Variants in LRP5 observed in about 807,000 individuals in gnomAD.
LRP5 encodes LDL receptor related protein 5, also known as low-density lipoprotein receptor-related protein 5.
LRP5 carries 62 observed loss-of-function variants against 154.1 expected under a neutral mutation model. The observed-to-expected ratio is 0.40, with a 90% CI of 0.33 to 0.50. LRP5 has a LOEUF of 0.50. Ranked by LOEUF, LRP5 falls within the 20% of genes least tolerant of loss-of-function variation. The pLI is 0.55. For missense variants in LRP5, 1,915 were observed against 2,336.7 expected (o/e 0.82, Z 3.72); for synonymous variants, 966 against 1,011.5 (o/e 0.96, Z 0.85).
At chr11:68,445,341 C>A (rs908620031) in intron 21 of LRP5, among the ~76,000 whole-genome samples, 2 of 152,148 alleles carry the variant, frequency 1.3e-5, no homozygotes, top group African/African-American at 4.8e-5. Flanking sequence ...CTCAAGTGAT[C>A]CGCCCGCCTC....
chr11:68,436,626 G>A (rs2098675108), intron 18 of LRP5, among the ~76,000 whole-genome samples: 1 of 152,124 alleles, frequency 6.6e-6, no homozygotes, highest in South Asian at 2.1e-4. Flanking sequence ...CCCCACAGTA[G>A]GCACCTGACA....
At chr11:68,412,483 A>C (rs2098660146) in intron 11 of LRP5, among the ~76,000 whole-genome samples, 1 of 152,048 alleles carries the variant, frequency 6.6e-6, no homozygotes, top group Non-Finnish European at 1.5e-5. Flanking sequence ...TCTACAAAAA[A>C]ATTTTTTAAA....
At position 68,440,075 on chromosome 11, in the gene LRP5, C is replaced by T. The variant is rs970757913; in HGVS notation, c.4488+159C>T. 4.7e-5 allele frequency: 30 copies of T among 644,418 alleles called. No individual in the cohort carries two copies. The African/African-American group carries it at 5.1e-4, about 11-fold the overall frequency. 39.9% of individuals were successfully genotyped at this position (644,418 alleles called of 1,614,324 possible). ...CCTTTTCAAACCCTTCTGCTTCCTTCTTTAATGACATTGTTGATTGTGGAT... is the reference window on the plus strand; with the variant it reads ...CCTTTTCAAACCCTTCTGCTTCCTTTTTTAATGACATTGTTGATTGTGGAT... On this transcript the variant is annotated intron_variant, in intron 21 of 22. Transcript: ENST00000294304.
chr11:68,422,489 C>T (rs532939069), intron 13 of LRP5, among the ~76,000 whole-genome samples: 1 of 152,330 alleles, frequency 6.6e-6, no homozygotes, highest in Admixed American at 6.5e-5. Context: ...AGGCAGTAGG[C>T]TTCTGGGCTG....
intron 1 of LRP5, among the ~76,000 whole-genome samples, chr11:68,339,320 G>A (rs2098607505): frequency 6.6e-6 from 1 of 151,378 alleles, no homozygotes; most frequent in African/African-American, 2.4e-5. Flanking sequence ...TGGGATTACA[G>A]GGACCCACCC....
chr11:68,355,373 T>A (rs775763470), intron 2 of LRP5, among the ~76,000 whole-genome samples: 9 of 152,086 alleles, frequency 5.9e-5, no homozygotes, highest in Non-Finnish European at 1.2e-4. Flanking sequence ...TCAGCACCAT[T>A]TTACAAGGAC....
At chr11:68,341,059 C>CTATTTTTTTTTTTTTTTTTTT (rs2098608749) in intron 1 of LRP5, among the ~76,000 whole-genome samples, 1 of 83,496 alleles carries the variant, frequency 1.2e-5, no homozygotes. Context: ...GGAGATTGTT[C>CTATTTTTTTTTTTTTTTTTTT]TTTTTTTTTT....
chr11:68,433,894 C>T (rs968113897), intron 18 of LRP5, 56 bp downstream of exon 18: 70 of 1,537,954 alleles, frequency 4.6e-5, no homozygotes, highest in South Asian at 3.1e-4. Flanking sequence ...CTCCGGGATA[C>T]GAGCTTGGGG....
At chr11:68,361,856 CAGTT>C (rs1367467683) in intron 3 of LRP5, among the ~76,000 whole-genome samples, 6 of 152,274 alleles carry the variant, frequency 3.9e-5, no homozygotes, top group African/African-American at 1.4e-4. Context: ...TTGTGGAAAA[CAGTT>C]TGTTGATTCC....
the LRP5 span, among the ~76,000 whole-genome samples, chr11:68,298,720 G>A: frequency 6.6e-6 from 1 of 152,152 alleles, no homozygotes; most frequent in African/African-American, 2.4e-5. Context: ...GACTCCACCA[G>A]GGAGCAGGAG....
chr11:68,321,252 CT>C (rs934795140), intron 1 of LRP5, among the ~76,000 whole-genome samples: 9 of 152,060 alleles, frequency 5.9e-5, no homozygotes, highest in African/African-American at 1.7e-4. Flanking sequence ...CTGTGAGTGT[CT>C]TTGTGTACCG....
At chr11:68,448,363 T>C (rs2098682567) in intron 22 of LRP5, among the ~76,000 whole-genome samples, 1 of 152,226 alleles carries the variant, frequency 6.6e-6, no homozygotes, top group African/African-American at 2.4e-5. Context: ...GGTGAACAGT[T>C]GTCCAGTCTC....
At chr11:68,307,779 C>T (rs907637747), upstream of LRP5, among the ~76,000 whole-genome samples, 5 of 152,092 alleles carry the variant, frequency 3.3e-5, no homozygotes, top group African/African-American at 1.2e-4. Flanking sequence ...AATCACACCA[C>T]TGCACTCCAG....
At chr11:68,414,924 C>T (rs959679198) in intron 12 of LRP5, among the ~76,000 whole-genome samples, 4 of 152,176 alleles carry the variant, frequency 2.6e-5, no homozygotes, top group African/African-American at 4.8e-5. Flanking sequence ...CACCATCCCT[C>T]CCTGGGGCCA....
At chr11:68,338,465 G>T (rs1215516246) in intron 1 of LRP5, among the ~76,000 whole-genome samples, 1 of 152,214 alleles carries the variant, frequency 6.6e-6, no homozygotes, top group Non-Finnish European at 1.5e-5. Context: ...TTCTGCTCCG[G>T]GTAGGACTGA....
At chr11:68,337,153 G>A (rs189570443) in intron 1 of LRP5, among the ~76,000 whole-genome samples, 81 of 152,356 alleles carry the variant, frequency 5.3e-4, no homozygotes, top group African/African-American at 1.9e-3. Context: ...GACGAATCGG[G>A]AGGGACTCGC....
intron 22 of LRP5, among the ~76,000 whole-genome samples, 155 bp downstream of exon 22, chr11:68,446,688 A>T (rs1448274635): frequency 6.6e-6 from 1 of 152,002 alleles, no homozygotes; most frequent in East Asian, 1.9e-4. Flanking sequence ...TGCCAACCAC[A>T]CTAGGCTGCC....
At chr11:68,445,606 G>T in intron 21 of LRP5, 1 of 1,317,532 alleles carries the variant, frequency 7.6e-7, no homozygotes, top group Non-Finnish European at 9.9e-7. Context: ...TTCCAGGATG[G>T]CCTTGGAGAC....
chr11:68,383,325 G>A (rs960076143), intron 5 of LRP5, among the ~76,000 whole-genome samples: 3 of 152,196 alleles, frequency 2.0e-5, no homozygotes, highest in Non-Finnish European at 2.9e-5. Flanking sequence ...AGCGTGATTC[G>A]TCTTGCGCTG....
Sources: gnomAD v4.1 joint callset for allele counts (sites outside exome capture counted in the v4.1 genomes callset) on GRCh38, gnomAD v4.1.1 for gene constraint, MANE v1.5 for transcripts, NCBI Gene and HGNC (gene_info 2026-07-23, HGNC 2026-07-21) for gene names.